The following NELL2 variants were observed in gnomAD, a reference collection of about 807,000 sequenced individuals.
NELL2 encodes the protein neural EGFL like 2, also known as protein kinase C-binding protein NELL2.
Under a neutral mutation model 109.6 loss-of-function variants are expected in NELL2, and 41 were observed. That is an observed-to-expected ratio of 0.37 (90% confidence interval 0.29 to 0.49). The LOEUF (loss-of-function observed/expected upper bound fraction) is 0.49, where lower values mean the gene tolerates loss of function less well. Ranked by LOEUF, NELL2 falls within the 20% of genes least tolerant of loss-of-function variation. The probability of loss-of-function intolerance (pLI) is 0.98; values close to 1 mark genes in which losing one functional copy is unlikely to be tolerated. For missense variants in NELL2, 900 were observed against 1,008.3 expected (o/e 0.89, Z 1.45); for synonymous variants, 355 against 344.7 (o/e 1.03, Z -0.33).
At chr12:44,534,700 T>C (rs574550328) in intron 15 of NELL2, among the ~76,000 whole-genome samples, 1 of 152,210 alleles carries the variant, frequency 6.6e-6, no homozygotes, top group South Asian at 2.1e-4. Context: ...GAAAACAGGT[T>C]GGAATTTAAG....
intron 9 of NELL2, among the ~76,000 whole-genome samples, chr12:44,718,799 T>A (rs1331906981): frequency 1.3e-5 from 2 of 152,312 alleles, no homozygotes; most frequent in African/African-American, 4.8e-5. Flanking sequence ...CACAGCTACT[T>A]GTTAGTTATT....
chr12:44,793,653 A>C (rs1830754024), intron 3 of NELL2, among the ~76,000 whole-genome samples: 1 of 152,222 alleles, frequency 6.6e-6, no homozygotes. Flanking sequence ...CATTAGCATA[A>C]TTCACTCAGG....
Position 44,776,123 on chromosome 12 carries a change from T to C in NELL2, c.790A>G (p.Arg264Gly), listed in dbSNP as rs1382770141. Residue 264 changes from arginine to glycine, a missense_variant, in exon 8 of 20, where the codon AGA becomes GGA. Physicochemically the swap from Arg to Gly is moderately radical, Grantham distance 125. Coordinates refer to ENST00000429094, the MANE Select transcript of NELL2 (RefSeq NM_001145108.2). ...KLSRAEQRMN[R>G]LDQCYCERTC... Reference sequence around the variant, plus strand: ...CTTTCACAATAGCACTGATCCAATCTATTCATTCGCTGTTCAGCTCGAGAC... The same window carrying C: ...CTTTCACAATAGCACTGATCCAATCCATTCATTCGCTGTTCAGCTCGAGAC... 2 of 1,613,950 alleles carry C rather than the reference T, an allele frequency of 1.2e-6. No homozygotes were observed. Among genetic ancestry groups the C allele is most frequent in the Non-Finnish European group, 1.7e-6 (2 of 1,179,944 alleles).
chr12:44,853,599 A>G (rs1944593268), intron 2 of NELL2, among the ~76,000 whole-genome samples: 2 of 152,186 alleles, frequency 1.3e-5, no homozygotes, highest in South Asian at 4.1e-4. Flanking sequence ...TAAACGATCT[A>G]TTAGGTATCC....
intron 9 of NELL2, among the ~76,000 whole-genome samples, chr12:44,753,466 G>A (rs1177983846): frequency 6.6e-6 from 1 of 152,114 alleles, no homozygotes; most frequent in Non-Finnish European, 1.5e-5. Context: ...ATCATCCACA[G>A]TATTGTCAAT....
chr12:44,862,965 T>G (rs1944884407), intron 2 of NELL2, among the ~76,000 whole-genome samples: 1 of 152,188 alleles, frequency 6.6e-6, no homozygotes, highest in African/African-American at 2.4e-5. Context: ...TACATATACT[T>G]TAAGTTCTGG....
At chr12:44,622,097 G>T (rs1388910509) in intron 13 of NELL2, among the ~76,000 whole-genome samples, 1 of 152,088 alleles carries the variant, frequency 6.6e-6, no homozygotes, top group Non-Finnish European at 1.5e-5. Flanking sequence ...GATACATATG[G>T]ATGAATCAAT....
At chr12:44,580,759 T>A (rs1944295129) in intron 15 of NELL2, among the ~76,000 whole-genome samples, 2 of 152,098 alleles carry the variant, frequency 1.3e-5, no homozygotes, top group Admixed American at 6.6e-5. Context: ...ATTTGCTGAA[T>A]TTCTGGAAAA....
At chr12:44,587,309 T>TATATATATATATATATATA (rs1565974434) in intron 15 of NELL2, among the ~76,000 whole-genome samples, 18 of 69,606 alleles carry the variant, frequency 2.6e-4, no homozygotes, top group South Asian at 8.3e-4. Context: ...ATATATATAT[T>TATATATATATATATATATA]TTTTTTTAAA....
intron 1 of NELL2, among the ~76,000 whole-genome samples, chr12:44,887,777 TG>T (rs1795884889): frequency 6.6e-6 from 1 of 151,966 alleles, no homozygotes; most frequent in Non-Finnish European, 1.5e-5. Flanking sequence ...TCCCACTTTG[TG>T]GGTTGTCTCT....
intron 2 of NELL2, among the ~76,000 whole-genome samples, chr12:44,843,838 G>A (rs1340994854): frequency 2.0e-5 from 3 of 151,968 alleles, no homozygotes; most frequent in Non-Finnish European, 2.9e-5. Flanking sequence ...CCTGGGCAAC[G>A]TGGTGAAACC....
chr12:44,782,008 C>T (rs1295613021), intron 3 of NELL2, among the ~76,000 whole-genome samples: 1 of 151,926 alleles, frequency 6.6e-6, no homozygotes. Context: ...ATACAATAAG[C>T]TTTCCTTCTC....
intron 15 of NELL2, among the ~76,000 whole-genome samples, chr12:44,595,313 G>A (rs1592176229): frequency 6.6e-6 from 1 of 152,274 alleles, no homozygotes; most frequent in African/African-American, 2.4e-5. Flanking sequence ...GAGTGAAAAA[G>A]TAATTTATAT....
chr12:44,777,034 GC>G lies in NELL2; in HGVS notation c.762+7del. 1 of 1,613,004 alleles carries G rather than the reference GC, an allele frequency of 6.2e-7. No homozygotes were observed. Among genetic ancestry groups the G allele is most frequent in the Non-Finnish European group, 8.5e-7 (1 of 1,179,026 alleles). ...AGCTTCCACACTGTATTCTTGAGTA[GC>G]TTTTACCTTGGCTGATGTTTTGGCT... On this transcript the variant is annotated splice_region_variant and intron_variant, in intron 7 of 19. Transcript: ENST00000429094.
At chr12:44,876,637 C>T (rs371665390), upstream of NELL2, 64 of 1,551,344 alleles carry the variant, frequency 4.1e-5, no homozygotes, top group African/African-American at 8.1e-4. Context: ...TCTTGAAAGA[C>T]AGGAGAGAAA....
chr12:44,655,649 G>A (rs1243307163), intron 13 of NELL2, among the ~76,000 whole-genome samples: 1 of 152,078 alleles, frequency 6.6e-6, no homozygotes, highest in African/African-American at 2.4e-5. Context: ...AACCCTTCCT[G>A]GTAACCAGAG....
intron 3 of NELL2, among the ~76,000 whole-genome samples, chr12:44,803,341 A>G (rs1373175674): frequency 6.6e-6 from 1 of 152,060 alleles, no homozygotes; most frequent in African/African-American, 2.4e-5. Flanking sequence ...GGGTCTGTAG[A>G]TTAGATAATA....
At chr12:44,701,120 C>T (rs1949214875) in intron 12 of NELL2, among the ~76,000 whole-genome samples, 1 of 152,048 alleles carries the variant, frequency 6.6e-6, no homozygotes, top group African/African-American at 2.4e-5. Flanking sequence ...AAAGGTGTTC[C>T]TTCTAAGAAG....
chr12:44,916,397 A>T (rs1945829159), upstream of NELL2, among the ~76,000 whole-genome samples: 1 of 152,212 alleles, frequency 6.6e-6, no homozygotes, highest in African/African-American at 2.4e-5. Flanking sequence ...AAGCTAAAAA[A>T]AATGGTATTA....
Sources: allele counts gnomAD v4.1 joint callset (sites outside exome capture counted in the v4.1 genomes callset), GRCh38; gene constraint gnomAD v4.1.1; transcripts MANE v1.5; gene names NCBI Gene and HGNC (gene_info 2026-07-23, HGNC 2026-07-21).